Variants in DSCAML1 observed in about 807,000 individuals in gnomAD.
DSCAML1 encodes the protein cell adhesion molecule DSCAML1.
In DSCAML1, 38 loss-of-function variants were observed where a neutral mutation model predicts 200.5. The observed-to-expected ratio is 0.19, with a 90% CI of 0.15 to 0.25. The LOEUF (loss-of-function observed/expected upper bound fraction) is 0.25. DSCAML1 is among the 10% of genes least tolerant of loss of function. The pLI is 1.00. For synonymous variants in DSCAML1, 1,215 were observed against 1,165.0 expected, an observed-to-expected ratio of 1.04 and a Z score of -0.87; for missense variants, 2,223 against 2,858.8, an observed-to-expected ratio of 0.78 and a Z score of 5.07.
intron 3 of DSCAML1, among the ~76,000 whole-genome samples, chr11:117,541,638 A>T (rs904997607): frequency 6.6e-6 from 1 of 152,208 alleles, no homozygotes; most frequent in Non-Finnish European, 1.5e-5. Flanking sequence ...ATAAAGCAAG[A>T]TGGATGGTTT....
At chr11:117,569,208 C>CA (rs1166659790) in intron 3 of DSCAML1, among the ~76,000 whole-genome samples, 3 of 152,156 alleles carry the variant, frequency 2.0e-5, no homozygotes, top group African/African-American at 7.2e-5. Context: ...ACACCTTATA[C>CA]AAAAATCAAT....
At chr11:117,757,447 C>T (rs2054713121) in intron 3 of DSCAML1, among the ~76,000 whole-genome samples, 1 of 152,088 alleles carries the variant, frequency 6.6e-6, no homozygotes, top group African/African-American at 2.4e-5. Flanking sequence ...GACCAGGACA[C>T]ATTCTATGCA....
chr11:117,491,175 C>CA (rs1314784379), intron 11 of DSCAML1, among the ~76,000 whole-genome samples: 1 of 152,184 alleles, frequency 6.6e-6, no homozygotes, highest in East Asian at 1.9e-4. Flanking sequence ...GCAACAGAGG[C>CA]ATGGAATGTT....
chr11:117,558,414 A>G (rs535142070), intron 3 of DSCAML1, among the ~76,000 whole-genome samples: 115 of 152,340 alleles, frequency 7.5e-4, no homozygotes, highest in Middle Eastern at 3.4e-3. Flanking sequence ...CAAGAAGATA[A>G]TAAAACAATA....
chr11:117,484,372 C>T (rs2048995237), intron 11 of DSCAML1, among the ~76,000 whole-genome samples: 1 of 152,222 alleles, frequency 6.6e-6, no homozygotes, highest in South Asian at 2.1e-4. Flanking sequence ...GCTGCCTTGT[C>T]ATGCAGGACT....
Position 117,530,909 on chromosome 11 carries a change from C to T in DSCAML1, c.658+1467G>A, listed in dbSNP as rs2050065902. On this transcript the variant is annotated intron_variant, in intron 4 of 32. Transcript: ENST00000651296. ...GCGTTCATCCCCGTTCCAAAAACTC[C>T]AATCTCAAGACAGAGATTTTCAACT... 2.0e-5 allele frequency among the ~76,000 whole-genome samples: 3 copies of T among 152,184 alleles called. No homozygotes were observed. In the South Asian group the frequency reaches 6.2e-4, roughly 31 times the overall value.
intron 3 of DSCAML1, among the ~76,000 whole-genome samples, chr11:117,610,198 AC>A (rs2051660026): frequency 6.6e-6 from 1 of 152,200 alleles, no homozygotes; most frequent in Non-Finnish European, 1.5e-5. Context: ...CTTAATGCCA[AC>A]AAGACACTCT....
intron 3 of DSCAML1, among the ~76,000 whole-genome samples, chr11:117,725,070 G>A (rs1798754325): frequency 6.6e-6 from 1 of 152,196 alleles, no homozygotes; most frequent in Admixed American, 6.5e-5. Context: ...ATGCTTTCTG[G>A]AAAGCACTAA....
intron 3 of DSCAML1, among the ~76,000 whole-genome samples, chr11:117,687,722 A>G (rs2053429173): frequency 1.3e-5 from 2 of 152,220 alleles, no homozygotes; most frequent in African/African-American, 4.8e-5. Flanking sequence ...TGAGGAAATC[A>G]GAGCTTAGAA....
intron 3 of DSCAML1, among the ~76,000 whole-genome samples, chr11:117,590,392 A>G (rs1037211585): frequency 6.6e-6 from 1 of 151,034 alleles, no homozygotes; most frequent in Non-Finnish European, 1.5e-5. Flanking sequence ...AAACTTGTCC[A>G]TGCACCACCT....
At chr11:117,749,813 C>T (rs935050264) in intron 3 of DSCAML1, among the ~76,000 whole-genome samples, 8 of 152,240 alleles carry the variant, frequency 5.3e-5, no homozygotes, top group African/African-American at 1.7e-4. Context: ...GCAGGGCCTC[C>T]CCTTACAGCG....
At position 117,505,413 on chromosome 11, in the gene DSCAML1, TG is replaced by T. The variant is rs1157741878; in HGVS notation, c.2062+40del. The stretch of plus-strand genomic sequence containing the variant: ...GAGACTGCAGTAGCAGCAGGCAGAA[TG>T]GGCTCCTCCCTCCCCTGAGGCTGGC... On this transcript the variant is annotated intron_variant, in intron 9 of 32. Coordinates refer to ENST00000651296, the MANE Select transcript of DSCAML1 (RefSeq NM_020693.4). The surrounding 1 kb of genome is among the most constrained non-coding windows in gnomAD (Gnocchi z 6.7). The T allele has an allele frequency of 6.3e-7, 1 of 1,590,574 alleles. No homozygotes were observed. The highest frequency in any genetic ancestry group is 8.5e-7 in the Non-Finnish European group (1 of 1,171,100).
chr11:117,439,763 C>G (rs948131908), intron 22 of DSCAML1, 56 bp downstream of exon 22: 2 of 1,530,268 alleles, frequency 1.3e-6, no homozygotes, highest in Non-Finnish European at 9.0e-7. Flanking sequence ...CCACACCGCT[C>G]TTCTACTATA....
intron 3 of DSCAML1, among the ~76,000 whole-genome samples, chr11:117,711,986 G>A (rs144490475): frequency 2.5e-3 from 379 of 152,274 alleles, no homozygotes; most frequent in African/African-American, 8.3e-3. Context: ...GTTGCAGTGC[G>A]TTTGTGGACC....
chr11:117,773,125 G>T (rs1435279642), intron 3 of DSCAML1, among the ~76,000 whole-genome samples: 5 of 152,190 alleles, frequency 3.3e-5, no homozygotes, highest in Non-Finnish European at 7.3e-5. Flanking sequence ...AATTCATGGA[G>T]ATTGTTTTTG....
chr11:117,484,023 C>T (rs1198518619), intron 11 of DSCAML1, among the ~76,000 whole-genome samples: 2 of 139,010 alleles, frequency 1.4e-5, no homozygotes, highest in East Asian at 2.4e-4. Context: ...GTTCCCTGCC[C>T]GCCCCCCGCC....
At chr11:117,483,511 C>T (rs1290942681) in intron 11 of DSCAML1, among the ~76,000 whole-genome samples, 11 of 152,210 alleles carry the variant, frequency 7.2e-5, no homozygotes, top group Non-Finnish European at 1.6e-4. Flanking sequence ...GGCGTGATCT[C>T]ATGTTTGAAA....
intron 3 of DSCAML1, among the ~76,000 whole-genome samples, chr11:117,632,989 A>G (rs1293060158): frequency 2.0e-5 from 3 of 152,250 alleles, no homozygotes; most frequent in Non-Finnish European, 4.4e-5. Context: ...CCATTAGGTC[A>G]TACAGCTGCT....
intron 21 of DSCAML1, among the ~76,000 whole-genome samples, chr11:117,440,251 C>CG (rs1174885803): frequency 6.6e-6 from 1 of 152,104 alleles, no homozygotes; most frequent in East Asian, 1.9e-4. Flanking sequence ...AAAATTATAA[C>CG]GGGGCAAAAT....
Sources: gnomAD v4.1 joint callset for allele counts (sites outside exome capture counted in the v4.1 genomes callset) on GRCh38, gnomAD v4.1.1 for gene constraint, Gnocchi (gnomAD v3.1) non-coding constraint, MANE v1.5 for transcripts, NCBI Gene and HGNC (gene_info 2026-07-23, HGNC 2026-07-21) for gene names.